The following ZBTB20 variants were observed in gnomAD, a reference collection of about 807,000 sequenced individuals.
ZBTB20 encodes zinc finger and BTB domain containing 20.
In ZBTB20, 9 loss-of-function variants were observed where a neutral mutation model predicts 56.9. The ratio of observed to expected loss-of-function variants is 0.16; its 90% CI spans 0.10 to 0.28. The LOEUF is 0.28. Among genes scored for constraint, ZBTB20 ranks in the 10% least tolerant of loss-of-function variants. The pLI, the probability that ZBTB20 is intolerant of heterozygous loss-of-function variation, is 1.00. For synonymous variants in ZBTB20, 417 were observed against 420.7 expected (o/e 0.99, Z 0.11); for missense variants, 655 against 1,003.0 (o/e 0.65, Z 4.69).
At chr3:114,643,737 C>T (rs960582252) in intron 6 of ZBTB20, among the ~76,000 whole-genome samples, 1 of 152,066 alleles carries the variant, frequency 6.6e-6, no homozygotes, top group African/African-American at 2.4e-5. Flanking sequence ...GTATGATTCT[C>T]AGTTGATCTT....
intron 6 of ZBTB20, among the ~76,000 whole-genome samples, chr3:114,569,067 C>T (rs2053124017): frequency 6.6e-6 from 1 of 152,076 alleles, no homozygotes; most frequent in African/African-American, 2.4e-5. Flanking sequence ...CCTTTAGTTC[C>T]AGCTACATCA....
At chr3:114,761,024 ATAGTAAATAC>A (rs1361574194) in intron 5 of ZBTB20, among the ~76,000 whole-genome samples, 5 of 152,194 alleles carry the variant, frequency 3.3e-5, no homozygotes, top group African/African-American at 1.2e-4. Context: ...TCTTTCATAG[ATAGTAAATAC>A]TCCTAGAAAC....
At chr3:114,825,234 T>C (rs1226738594) in intron 4 of ZBTB20, among the ~76,000 whole-genome samples, 1 of 151,948 alleles carries the variant, frequency 6.6e-6, no homozygotes, top group African/African-American at 2.4e-5. Context: ...TGATATAAAT[T>C]GCATGCAATA....
At chr3:114,342,711 CA>C (rs1232363840) in intron 11 of ZBTB20, among the ~76,000 whole-genome samples, 2 of 152,158 alleles carry the variant, frequency 1.3e-5, no homozygotes, top group Admixed American at 6.5e-5. Flanking sequence ...CCATTCATCA[CA>C]AAGGAACCAA....
Position 115,145,743 on chromosome 3 carries a change from G to A in ZBTB20, c.-703+1476C>T, listed in dbSNP as rs75776435. On this transcript the variant is annotated intron_variant, in intron 1 of 11. Transcript: ENST00000675478. ...CCACAAAATAGCAAAGGGTACTTGGGATTGGGAGCATGAACAGAAATGAAA... is the reference window on the plus strand; with the variant it reads ...CCACAAAATAGCAAAGGGTACTTGGAATTGGGAGCATGAACAGAAATGAAA... 5.3e-5 allele frequency among the ~76,000 whole-genome samples: 8 copies of A among 152,260 alleles called. 1 individual carries two copies. In the East Asian group the frequency reaches 1.5e-3, roughly 29 times the overall value.
intron 1 of ZBTB20, among the ~76,000 whole-genome samples, chr3:115,111,546 C>T (rs1422793957): frequency 2.6e-5 from 4 of 151,954 alleles, no homozygotes; most frequent in Admixed American, 1.3e-4. Flanking sequence ...GCACTTAATA[C>T]CCACTCAATA....
At chr3:115,092,436 G>T (rs951480092) in intron 1 of ZBTB20, among the ~76,000 whole-genome samples, 2 of 152,022 alleles carry the variant, frequency 1.3e-5, no homozygotes, top group Non-Finnish European at 1.5e-5. Flanking sequence ...GGCCGACTGG[G>T]TCTACCAACA....
intron 2 of ZBTB20, among the ~76,000 whole-genome samples, chr3:115,029,390 A>G (rs1456028856): frequency 6.6e-6 from 1 of 150,760 alleles, no homozygotes; most frequent in Non-Finnish European, 1.5e-5. Flanking sequence ...TAAATCTCTT[A>G]TAAAAAATTG....
chr3:115,141,315 C>A lies in ZBTB20; in HGVS notation c.-703+5904G>T, dbSNP rs945205010. ...TACCTAAAACAGGCAATCTGGATTC[C>A]TGTTGCTACTTTTTCTTCCCCCAAA... On this transcript the variant is annotated intron_variant, in intron 1 of 11. Transcript: ENST00000675478. 3.3e-5 allele frequency among the ~76,000 whole-genome samples: 5 copies of A among 152,136 alleles called. No homozygotes were observed. The South Asian group carries it at 1.0e-3, about 32-fold the overall frequency.
intron 2 of ZBTB20, among the ~76,000 whole-genome samples, chr3:115,013,643 G>A (rs943100195): frequency 1.3e-5 from 2 of 151,678 alleles, no homozygotes; most frequent in African/African-American, 2.4e-5. Context: ...CTGAAAAACA[G>A]AGGAGGAGGA....
At chr3:114,993,978 A>T (rs1469906388) in intron 2 of ZBTB20, among the ~76,000 whole-genome samples, 1 of 151,850 alleles carries the variant, frequency 6.6e-6, no homozygotes, top group Non-Finnish European at 1.5e-5. Context: ...CTTTAAGAAG[A>T]GGTGTAATAT....
chr3:115,121,068 G>T (rs1421578355), intron 1 of ZBTB20, among the ~76,000 whole-genome samples: 2 of 152,026 alleles, frequency 1.3e-5, no homozygotes, highest in African/African-American at 4.8e-5. Context: ...ATAATTCAAA[G>T]TGCTTTAATG....
At chr3:114,937,446 G>A (rs1560417715) in intron 3 of ZBTB20, among the ~76,000 whole-genome samples, 1 of 150,754 alleles carries the variant, frequency 6.6e-6, no homozygotes, top group Non-Finnish European at 1.5e-5. Flanking sequence ...TTTTTAGATG[G>A]AGTCTCGCTC....
At position 114,493,640 on chromosome 3, in the gene ZBTB20, C is replaced by T. The variant is rs1303720525; in HGVS notation, c.-255+6712G>A. The stretch of plus-strand genomic sequence containing the variant: ...CCTGGAATCCTCTTCCACCATCCAT[C>T]CTTACTTTTTGTTTTTAACCTTCAG... On this transcript the variant is annotated intron_variant, in intron 7 of 11. Coordinates refer to ENST00000675478, the MANE Select transcript of ZBTB20 (RefSeq NM_001348800.3). 2.6e-5 allele frequency among the ~76,000 whole-genome samples: 4 copies of T among 152,168 alleles called. No individual in the cohort carries two copies. The East Asian group carries it at 7.7e-4, about 29-fold the overall frequency.
intron 7 of ZBTB20, among the ~76,000 whole-genome samples, chr3:114,430,312 C>T (rs2090024666): frequency 6.6e-6 from 1 of 152,116 alleles, no homozygotes; most frequent in Non-Finnish European, 1.5e-5. Context: ...TCCATTTCTT[C>T]TGGTAAAGAA....
At chr3:114,951,439 G>A (rs1429732555) in intron 3 of ZBTB20, among the ~76,000 whole-genome samples, 1 of 151,996 alleles carries the variant, frequency 6.6e-6, no homozygotes, top group Non-Finnish European at 1.5e-5. Flanking sequence ...ACAAAATTCT[G>A]GGCTCATCTT....
intron 7 of ZBTB20, among the ~76,000 whole-genome samples, chr3:114,489,815 A>G (rs751581453): frequency 3.3e-5 from 5 of 152,226 alleles, no homozygotes; most frequent in Admixed American, 6.5e-5. Context: ...AAATGACCCT[A>G]ACATCATTTC....
At chr3:114,715,199 C>A (rs1250447863) in intron 5 of ZBTB20, among the ~76,000 whole-genome samples, 1 of 152,060 alleles carries the variant, frequency 6.6e-6, no homozygotes, top group African/African-American at 2.4e-5. Context: ...TACTGCCGCT[C>A]AAAAAAACAA....
chr3:114,918,798 T>C (rs2075842714), intron 3 of ZBTB20, among the ~76,000 whole-genome samples: 1 of 152,230 alleles, frequency 6.6e-6, no homozygotes, highest in Non-Finnish European at 1.5e-5. Context: ...AAGGAGTCTC[T>C]TTCAGAGCTA....
Sources: allele counts gnomAD v4.1 joint callset (sites outside exome capture counted in the v4.1 genomes callset), GRCh38; gene constraint gnomAD v4.1.1; transcripts MANE v1.5; gene names NCBI Gene and HGNC (gene_info 2026-07-23, HGNC 2026-07-21).